ACBD6: variants seen among roughly 807,000 people sequenced by gnomAD.
ACBD6 encodes the protein acyl-CoA-binding domain-containing protein 6.
Under a neutral mutation model 37.2 loss-of-function variants are expected in ACBD6, and 28 were observed. The observed-to-expected ratio is 0.75, with a 90% CI of 0.56 to 1.03. The LOEUF (loss-of-function observed/expected upper bound fraction) is 1.03. ACBD6 is among the 50% of genes least tolerant of loss of function. The pLI, the probability that ACBD6 is intolerant of heterozygous loss-of-function variation, is 0.00. For missense variants in ACBD6, 340 were observed against 337.4 expected (o/e 1.01, Z -0.06); for synonymous variants, 113 against 126.8 (o/e 0.89, Z 0.73).
chr1:180,346,948 C>T (rs1652205322), intron 6 of ACBD6, among the ~76,000 whole-genome samples: 2 of 151,942 alleles, frequency 1.3e-5, no homozygotes, highest in South Asian at 2.1e-4. Context: ...GCTAGGAGGT[C>T]GAGGCTGCAG....
chr1:180,486,921 C>T (rs1440740473), intron 3 of ACBD6, among the ~76,000 whole-genome samples: 1 of 151,970 alleles, frequency 6.6e-6, no homozygotes, highest in African/African-American at 2.4e-5. Context: ...AATGTATAAT[C>T]TAAATCTAAT....
intron 7 of ACBD6, among the ~76,000 whole-genome samples, chr1:180,297,862 TTC>T (rs1396246953): frequency 6.6e-6 from 1 of 152,184 alleles, no homozygotes; most frequent in Non-Finnish European, 1.5e-5. Flanking sequence ...TGCCTCAGCC[TTC>T]TGAGTAGCTG....
intron 5 of ACBD6, among the ~76,000 whole-genome samples, chr1:180,408,991 T>C (rs759131548): frequency 2.0e-5 from 3 of 152,004 alleles, no homozygotes; most frequent in Non-Finnish European, 4.4e-5. Flanking sequence ...ACCCCATCTC[T>C]ACTAAAAATA....
intron 7 of ACBD6, among the ~76,000 whole-genome samples, chr1:180,289,491 T>C (rs1002180967): frequency 7.9e-5 from 12 of 152,206 alleles, no homozygotes; most frequent in African/African-American, 2.9e-4. Context: ...CCTTTAGATG[T>C]CAGAGTGTAC....
At chr1:180,491,982 G>C (rs937832639) in intron 3 of ACBD6, among the ~76,000 whole-genome samples, 1 of 151,896 alleles carries the variant, frequency 6.6e-6, no homozygotes, top group African/African-American at 2.4e-5. Flanking sequence ...GCTAATTTTT[G>C]TATTTTTAGT....
At position 180,351,400 on chromosome 1, in the gene ACBD6, C is replaced by T. The variant is rs186967119; in HGVS notation, c.664-36678G>A. ...AAGCAATTCTCCTGCCTCGGCCTCC[C>T]GACTAGCTGGGACTACAGGTGCGTG... On this transcript the variant is annotated intron_variant, in intron 6 of 7. Transcript: ENST00000367595. Among the ~76,000 whole-genome samples, 387 of 151,910 alleles carry T rather than the reference C, an allele frequency of 2.5e-3. 2 individuals carry two copies. Among genetic ancestry groups the T allele is most frequent in the Non-Finnish European group, 3.9e-3 (268 of 67,944 alleles).
intron 6 of ACBD6, among the ~76,000 whole-genome samples, chr1:180,349,338 C>T (rs994672258): frequency 3.3e-5 from 5 of 151,104 alleles, no homozygotes; most frequent in African/African-American, 4.9e-5. Flanking sequence ...TCACTGCAAG[C>T]TCCGCCTCCC....
At chr1:180,362,538 T>C (rs1456843482) in intron 6 of ACBD6, among the ~76,000 whole-genome samples, 1 of 152,256 alleles carries the variant, frequency 6.6e-6, no homozygotes, top group Admixed American at 6.5e-5. Flanking sequence ...ATTCAAGTGC[T>C]AGTATGTTCT....
At chr1:180,365,440 C>T (rs1653019988) in intron 6 of ACBD6, among the ~76,000 whole-genome samples, 1 of 152,130 alleles carries the variant, frequency 6.6e-6, no homozygotes, top group South Asian at 2.1e-4. Flanking sequence ...TGTTTTGTGA[C>T]CATGAGACTT....
chr1:180,338,152 A>G (rs549262697), intron 6 of ACBD6, among the ~76,000 whole-genome samples: 2 of 152,320 alleles, frequency 1.3e-5, no homozygotes, highest in South Asian at 2.1e-4. Flanking sequence ...GCTACCAATG[A>G]CTTTCTTCAC....
intron 6 of ACBD6, among the ~76,000 whole-genome samples, chr1:180,368,927 A>AGTGAG (rs1653152106): frequency 6.6e-6 from 1 of 152,232 alleles, no homozygotes; most frequent in Non-Finnish European, 1.5e-5. Context: ...AGGCTACTGC[A>AGTGAG]CACAGTGAGG....
intron 6 of ACBD6, among the ~76,000 whole-genome samples, chr1:180,316,273 A>C (rs1244772840): frequency 2.0e-5 from 3 of 152,018 alleles, no homozygotes; most frequent in Non-Finnish European, 4.4e-5. Context: ...CTTAAGACTC[A>C]TATCTATATT....
chr1:180,337,720 G>A (rs900161405), intron 6 of ACBD6, among the ~76,000 whole-genome samples: 13 of 152,192 alleles, frequency 8.5e-5, no homozygotes, highest in African/African-American at 2.7e-4. Context: ...AATTGTCCCT[G>A]TTTGCAGATG....
intron 6 of ACBD6, among the ~76,000 whole-genome samples, chr1:180,383,494 T>C (rs375480492): frequency 6.6e-6 from 1 of 152,030 alleles, no homozygotes; most frequent in African/African-American, 2.4e-5. Context: ...GAAAGATCTC[T>C]ATAAGGAAAA....
chr1:180,358,286 G>C (rs1652704370), intron 6 of ACBD6, among the ~76,000 whole-genome samples: 1 of 152,144 alleles, frequency 6.6e-6, no homozygotes, highest in South Asian at 2.1e-4. Flanking sequence ...CATTAGCTGG[G>C]CATGGTGGCG....
At position 180,274,258 on chromosome 1, in the gene ACBD6, G is replaced by T. The variant is rs145600753; in HGVS notation, c.*937-146C>A. 3 of 1,614,240 alleles carry T rather than the reference G, an allele frequency of 1.9e-6. No individual in the cohort carries two copies. In the African/African-American group the frequency reaches 4.0e-5, roughly 22 times the overall value. ...ACGTGGGGGACGTTACAGGCGGACA[G>T]TTAATGAATGGGAGCTTCTCCATGG... On this transcript the variant is annotated intron_variant, in intron 10 of 13. Coordinates refer to the ACBD6 transcript ENST00000642319.
intron 6 of ACBD6, among the ~76,000 whole-genome samples, chr1:180,392,435 A>G (rs1039934461): frequency 6.6e-6 from 1 of 152,202 alleles, no homozygotes; most frequent in African/African-American, 2.4e-5. Flanking sequence ...ATGTAAGTAG[A>G]AAAAAGATGA....
chr1:180,469,468 A>G (rs1414253776), intron 3 of ACBD6, among the ~76,000 whole-genome samples: 1 of 152,246 alleles, frequency 6.6e-6, no homozygotes, highest in Non-Finnish European at 1.5e-5. Context: ...TAGTAATTCT[A>G]CAGAGTTTTA....
At chr1:180,313,517 C>G (rs1650672573) in intron 7 of ACBD6, among the ~76,000 whole-genome samples, 1 of 152,160 alleles carries the variant, frequency 6.6e-6, no homozygotes, top group Admixed American at 6.5e-5. Context: ...TTTTTGAACA[C>G]TTGAGTGCAA....
Sources: allele counts gnomAD v4.1 joint callset (sites outside exome capture counted in the v4.1 genomes callset), GRCh38; gene constraint gnomAD v4.1.1; transcripts MANE v1.5; gene names NCBI Gene and HGNC (gene_info 2026-07-23, HGNC 2026-07-21).